The following VAC14 variants were observed in gnomAD, a reference collection of about 807,000 sequenced individuals.
VAC14 encodes the protein VAC14 component of PIKFYVE complex, also known as protein VAC14 homolog.
Under a neutral mutation model 85.3 loss-of-function variants are expected in VAC14, and 47 were observed. That is an observed-to-expected ratio of 0.55 (90% CI 0.44 to 0.70). VAC14 has a LOEUF of 0.70. VAC14 is among the 30% of genes least tolerant of loss of function. The probability of loss-of-function intolerance (pLI) is 0.00; values close to 1 mark genes in which losing one functional copy is unlikely to be tolerated. For missense variants in VAC14, 861 were observed against 1,004.3 expected, an observed-to-expected ratio of 0.86 and a Z score of 1.93; for synonymous variants, 447 against 430.5, an observed-to-expected ratio of 1.04 and a Z score of -0.47.
At chr16:70,800,063 A>G (rs1310461223) in intron 1 of VAC14, among the ~76,000 whole-genome samples, 1 of 152,028 alleles carries the variant, frequency 6.6e-6, no homozygotes, top group Admixed American at 6.6e-5. Context: ...GAAATCACTC[A>G]CTCACTTGAC....
In VAC14 at chr16:70,728,765, T is replaced by C. The variant is rs1452687097; in HGVS notation, c.1661+2730A>G. ...AGTTCTCCAGAGGGGACTCTAGCTA[T>C]AGATTCCTCCTCCAAAGGCCTCTCC... is the stretch of plus-strand genomic sequence containing the variant. On this transcript the variant is annotated intron_variant, in intron 14 of 18. Coordinates refer to ENST00000261776, the MANE Select transcript of VAC14 (RefSeq NM_018052.5). Among the ~76,000 whole-genome samples the C allele has an allele frequency of 2.0e-5, 3 of 152,348 alleles. No individual in the cohort carries two copies. In the East Asian group the frequency reaches 5.8e-4, roughly 29 times the overall value.
chr16:70,695,700 C>T, intron 16 of VAC14, 77 bp from the exon 17 acceptor site: 1 of 1,403,418 alleles, frequency 7.1e-7, no homozygotes, highest in Non-Finnish European at 1.0e-6. Flanking sequence ...CCCTCCCCCC[C>T]TGCACCTGGC....
intron 14 of VAC14, among the ~76,000 whole-genome samples, chr16:70,726,868 A>T (rs1225012974): frequency 1.3e-5 from 2 of 152,172 alleles, no homozygotes; most frequent in African/African-American, 2.4e-5. Flanking sequence ...CCAGAAAAGG[A>T]GGCTGTGTGG....
chr16:70,696,392 A>G (rs770888292), intron 16 of VAC14, among the ~76,000 whole-genome samples: 1 of 152,204 alleles, frequency 6.6e-6, no homozygotes, highest in Non-Finnish European at 1.5e-5. Context: ...GAACGCCTGT[A>G]ATCCCAGCTA....
rs981332299 is a variant in VAC14, at chr16:70,688,030, T to G, written c.2247A>C (p.Ala749=). 1.9e-5 allele frequency: 30 copies of G among 1,605,578 alleles called. No individual in the cohort carries two copies. Among genetic ancestry groups the G allele is most frequent in the Non-Finnish European group, 2.6e-5 (30 of 1,175,144 alleles). ...CCTTCTCAAAGTGCTGCAGCAGCTC[T>G]GCGTAGTCGATGCTAGGGGAGTCAG... ...QKADSPSIDY[A]ELLQHFEKVQ... is the part of the protein sequence containing the mutation. The change falls in exon 19 of 19, where the codon GCA becomes GCC. Residue 749 remains alanine (A), a synonymous_variant. Transcript: ENST00000261776.
intron 1 of VAC14, among the ~76,000 whole-genome samples, chr16:70,796,108 C>T (rs1405211586): frequency 6.6e-6 from 1 of 152,222 alleles, no homozygotes. Flanking sequence ...ACCTGACTGC[C>T]TTATCCTATA....
chr16:70,732,398 C>A (rs1208404415), intron 13 of VAC14, among the ~76,000 whole-genome samples: 3 of 152,130 alleles, frequency 2.0e-5, no homozygotes, highest in African/African-American at 7.2e-5. Flanking sequence ...GAAAACACAC[C>A]GAGGTACAGA....
At chr16:70,792,978 T>C (rs2034402817) in intron 1 of VAC14, among the ~76,000 whole-genome samples, 1 of 152,160 alleles carries the variant, frequency 6.6e-6, no homozygotes, top group South Asian at 2.1e-4. Context: ...TCACCAAAGG[T>C]CTGAACCCTT....
intron 14 of VAC14, among the ~76,000 whole-genome samples, chr16:70,713,504 A>C (rs2054081758): frequency 6.6e-6 from 1 of 152,150 alleles, no homozygotes; most frequent in Admixed American, 6.5e-5. Context: ...GGGGGTAGGG[A>C]AGAGCCCAGT....
intron 1 of VAC14, among the ~76,000 whole-genome samples, chr16:70,796,383 C>T (rs1478024214): frequency 1.3e-5 from 2 of 152,202 alleles, no homozygotes; most frequent in African/African-American, 4.8e-5. Context: ...AGGACTGGCT[C>T]TGTCACCTGA....
At chr16:70,734,489 A>C (rs1567549643) in intron 13 of VAC14, among the ~76,000 whole-genome samples, 1 of 152,160 alleles carries the variant, frequency 6.6e-6, no homozygotes, top group African/African-American at 2.4e-5. Flanking sequence ...GATTAAGCCC[A>C]ATGTGTCTAT....
intron 14 of VAC14, among the ~76,000 whole-genome samples, chr16:70,723,934 G>T (rs2054357563): frequency 6.6e-6 from 1 of 152,224 alleles, no homozygotes; most frequent in Non-Finnish European, 1.5e-5. Context: ...GGTGACCGCT[G>T]ATTCAGTGGG....
chr16:70,796,352 C>T (rs2034545552), intron 1 of VAC14, among the ~76,000 whole-genome samples: 1 of 152,156 alleles, frequency 6.6e-6, no homozygotes, highest in Non-Finnish European at 1.5e-5. Flanking sequence ...GGTTTTAATG[C>T]CTCACTGGAA....
At chr16:70,789,043 G>C (rs542505584) in intron 1 of VAC14, among the ~76,000 whole-genome samples, 1 of 152,360 alleles carries the variant, frequency 6.6e-6, no homozygotes, top group Admixed American at 6.5e-5. Context: ...GCAGGAAGCT[G>C]GCATGAAACC....
At chr16:70,695,806 A>T in intron 16 of VAC14, 183 bp from the exon 17 acceptor site, 1 of 567,416 alleles carries the variant, frequency 1.8e-6, no homozygotes, top group South Asian at 2.2e-5. Context: ...CCTAAATGGA[A>T]CTCCCCTGTT....
At chr16:70,783,976 T>C in intron 5 of VAC14, 137 bp downstream of exon 5, 1 of 710,186 alleles carries the variant, frequency 1.4e-6, no homozygotes, top group South Asian at 1.8e-5. Flanking sequence ...ATAAGGTGTT[T>C]TTGAATTATC....
chr16:70,783,669 G>A, intron 5 of VAC14, 115 bp from the exon 6 acceptor site: 1 of 999,424 alleles, frequency 1.0e-6, no homozygotes, highest in Non-Finnish European at 1.5e-6. Flanking sequence ...GCATTTCCCT[G>A]CAGTGCAGGT....
chr16:70,796,031 G>A (rs1467290098), intron 1 of VAC14, among the ~76,000 whole-genome samples: 1 of 152,038 alleles, frequency 6.6e-6, no homozygotes, highest in Non-Finnish European at 1.5e-5. Context: ...TTTTCATTAC[G>A]ACTGATCAAT....
intron 13 of VAC14, among the ~76,000 whole-genome samples, chr16:70,740,800 C>T (rs1310940873): frequency 6.6e-6 from 1 of 152,176 alleles, no homozygotes; most frequent in Non-Finnish European, 1.5e-5. Context: ...ATGAGGGAGG[C>T]AGGGTGGGAG....
Sources: gnomAD v4.1 joint callset for allele counts (sites outside exome capture counted in the v4.1 genomes callset) on GRCh38, gnomAD v4.1.1 for gene constraint, MANE v1.5 for transcripts, NCBI Gene and HGNC (gene_info 2026-07-23, HGNC 2026-07-21) for gene names.